The following VWA7 variants were observed in gnomAD, a reference collection of about 807,000 sequenced individuals.
The protein encoded by VWA7 is von Willebrand factor A domain-containing protein 7.
VWA7 carries 66 observed loss-of-function variants against 83.1 expected under a neutral mutation model. The ratio of observed to expected loss-of-function variants is 0.79; its 90% CI spans 0.65 to 0.98. VWA7 has a LOEUF of 0.98. VWA7 is among the 50% of genes least tolerant of loss of function. VWA7 has a pLI of 0.00. For synonymous variants in VWA7, 424 were observed against 488.5 expected, an observed-to-expected ratio of 0.87 and a Z score of 1.74; for missense variants, 1,080 against 1,160.2, an observed-to-expected ratio of 0.93 and a Z score of 1.00.
Position 31,776,851 on chromosome 6 carries a change from C to T in VWA7, c.-15-57G>A, listed in dbSNP as rs968771061. 112 of 1,041,322 alleles carry T rather than the reference C, an allele frequency of 1.1e-4. No homozygotes were observed. Among genetic ancestry groups the T allele is most frequent in the South Asian group, 6.6e-4 (31 of 47,220 alleles). The allele number at this position is 1,041,322 out of a possible 1,614,324, so 64.5% of individuals were successfully genotyped here. A position where few individuals can be genotyped will look rare whatever the true frequency, so the allele number is the denominator to read the frequency against. ...AAGCAGCCGCGATTCCAGGGCAGGC[C>T]GGCTCTGCGGGTCTCCATGGGAACC... On this transcript the variant is annotated intron_variant, in intron 1 of 16. Coordinates refer to ENST00000375688, the MANE Select transcript of VWA7 (RefSeq NM_025258.3). The surrounding 1 kb of genome is among the most constrained non-coding windows in gnomAD (Gnocchi z 6.2).
rs746867880 is a variant in VWA7, at chr6:31,776,443, G to C, written c.234+103C>G. 6.0e-5 allele frequency: 75 copies of C among 1,246,314 alleles called. No homozygotes were observed. The highest frequency in any genetic ancestry group is 8.2e-5 in the Non-Finnish European group (75 of 910,608). 77.2% of individuals were successfully genotyped at this position (1,246,314 alleles called of 1,614,324 possible). The stretch of plus-strand genomic sequence containing the variant: ...TGGGTATTATTGCTGCAGGGGTGGG[G>C]CCATGGGTGTCTCTTCTCTTGGCAA... On this transcript the variant is annotated intron_variant, in intron 2 of 16. Coordinates refer to ENST00000375688, the MANE Select transcript of VWA7 (RefSeq NM_025258.3). The surrounding 1 kb of genome is among the most constrained non-coding windows in gnomAD (Gnocchi z 6.2).
chr6:31,773,211 T>C lies in VWA7; in HGVS notation c.917+31A>G, dbSNP rs745685924. ...CCCTTCCCGCAGGAGCGCCTCCCCA[T>C]GAAGGGGTCCATCCCCAGGAGGCCA... On this transcript the variant is annotated intron_variant, in intron 6 of 16. Transcript: ENST00000375688. This position sits in a 1 kb window ranked among gnomAD's most constrained non-coding sequence, Gnocchi z 5.3. The C allele has an allele frequency of 6.3e-7, 1 of 1,592,758 alleles. No homozygotes were observed. Among genetic ancestry groups the C allele is most frequent in the South Asian group, 1.1e-5 (1 of 88,204 alleles).
intron 7 of VWA7, among the ~76,000 whole-genome samples, chr6:31,771,000 T>A (rs1304163468): frequency 8.3e-6 from 1 of 120,202 alleles, no homozygotes; most frequent in African/African-American, 3.2e-5. Context: ...AGACTCTCCC[T>A]CTCTCTCTCT....
chr6:31,767,251 C>A lies in VWA7; in HGVS notation c.1790-1G>T. The stretch of plus-strand genomic sequence containing the variant: ...AAGAGGAAGTCCAGGGAGGTCTGGG[C>A]TGGGAAAGGGCAAAGGCAGTCAGAG... On this transcript the variant is annotated splice_acceptor_variant, in intron 12 of 16. Coordinates refer to ENST00000375688, the MANE Select transcript of VWA7 (RefSeq NM_025258.3). LOFTEE classifies it high-confidence loss of function. 1 of 1,611,276 alleles carries A rather than the reference C, an allele frequency of 6.2e-7. No individual in the cohort carries two copies. Among genetic ancestry groups the A allele is most frequent in the East Asian group, 2.2e-5 (1 of 44,758 alleles).
At chr6:31,768,004 G>A (rs1207463416) in intron 10 of VWA7, among the ~76,000 whole-genome samples, 2 of 151,302 alleles carry the variant, frequency 1.3e-5, no homozygotes, top group African/African-American at 4.9e-5. Flanking sequence ...GCCAGGTGTG[G>A]TGGTGGGCTC....
Position 31,776,406 on chromosome 6 carries a change from G to T in VWA7, c.234+140C>A. On this transcript the variant is annotated intron_variant, in intron 2 of 16. Coordinates refer to ENST00000375688, the MANE Select transcript of VWA7 (RefSeq NM_025258.3). This position sits in a 1 kb window ranked among gnomAD's most constrained non-coding sequence, Gnocchi z 6.2. ...TAAGGAGGGGGACTCCTAATTTCAGGACCAAGACTACTGGGTATTATTGCT... is the reference window on the plus strand; with the variant it reads ...TAAGGAGGGGGACTCCTAATTTCAGTACCAAGACTACTGGGTATTATTGCT... 1 of 1,245,380 alleles carries T rather than the reference G, an allele frequency of 8.0e-7. No homozygotes were observed. The highest frequency in any genetic ancestry group is 1.1e-6 in the Non-Finnish European group (1 of 914,314). 77.1% of individuals were successfully genotyped at this position (1,245,380 alleles called of 1,614,324 possible). A position where few individuals can be genotyped will look rare whatever the true frequency, so the allele number is the denominator to read the frequency against.
intron 13 of VWA7, 29 bp downstream of exon 13, chr6:31,767,129 G>A: frequency 1.1e-6 from 1 of 879,350 alleles, no homozygotes; most frequent in Non-Finnish European, 1.7e-6. Context: ...TGGGGGTTAG[G>A]TGGGTGGGGG....
chr6:31,770,915 G>A (rs1013136668), intron 7 of VWA7, among the ~76,000 whole-genome samples: 35 of 151,058 alleles, frequency 2.3e-4, no homozygotes, highest in African/African-American at 8.0e-4. Context: ...GGAGGCTGTG[G>A]CAGGAGGATT....
Position 31,775,437 on chromosome 6 carries a change from G to C in VWA7, c.514-8C>G. 6.2e-7 allele frequency: 1 copy of C among 1,609,260 alleles called. No homozygotes were observed. Among genetic ancestry groups the C allele is most frequent in the Non-Finnish European group, 8.5e-7 (1 of 1,177,856 alleles). On this transcript the variant is annotated splice_polypyrimidine_tract_variant and splice_region_variant and intron_variant, in intron 3 of 16. Coordinates refer to ENST00000375688, the MANE Select transcript of VWA7 (RefSeq NM_025258.3). The surrounding 1 kb of genome is among the most constrained non-coding windows in gnomAD (Gnocchi z 5.9). ...GCTATGACTGTAGAAATCCTGGTCC[G>C]GAGGACAGGAGAAGGGGAGTGAGGC... is the stretch of plus-strand genomic sequence containing the variant.
At position 31,774,549 on chromosome 6, in the gene VWA7, C is replaced by T; in HGVS notation, c.688G>A (p.Gly230Ser). The T allele has an allele frequency of 1.9e-6, 3 of 1,612,764 alleles. No individual in the cohort carries two copies. The highest frequency in any genetic ancestry group is 2.5e-6 in the Non-Finnish European group (3 of 1,179,938). Reference sequence around the variant, plus strand: ...TTCGGGGGATGAGTTCCAAAGTAGCCAGAGGTGAGGAGTGTGAAGCCCAGC... The same window carrying T: ...TTCGGGGGATGAGTTCCAAAGTAGCTAGAGGTGAGGAGTGTGAAGCCCAGC... ...NWLGFTLLTS[G>S]YFGTHPPKPP... The change falls in exon 5 of 17, where the codon GGC (glycine) becomes AGC (serine). Residue 230 changes from glycine to serine, a missense_variant. Physicochemically the swap from Gly to Ser is moderately conservative, Grantham distance 56. Transcript: ENST00000375688.
At position 31,769,270 on chromosome 6, in the gene VWA7, C is replaced by G. The variant is rs560667702; in HGVS notation, c.1318-67G>C. On this transcript the variant is annotated intron_variant, in intron 9 of 16. Transcript: ENST00000375688. The surrounding 1 kb of genome is among the most constrained non-coding windows in gnomAD (Gnocchi z 4.5). ...CCATCCACTATTATGAATGAGAATC[C>G]CTGTGCTCAAGCTTTCTCCAGAGCT... is the stretch of plus-strand genomic sequence containing the variant. The G allele has an allele frequency of 7.8e-6, 12 of 1,540,156 alleles. No individual in the cohort carries two copies. Among genetic ancestry groups the G allele is most frequent in the African/African-American group, 5.4e-5 (4 of 73,506 alleles).
chr6:31,773,360 A>G lies in VWA7; in HGVS notation c.799T>C (p.Ser267Pro), dbSNP rs750320211. Residue 267 changes from serine (S) to proline (P), a missense_variant, in exon 6 of 17, where the codon TCC becomes CCC. Transcript: ENST00000375688. The surrounding 1 kb of genome is among the most constrained non-coding windows in gnomAD (Gnocchi z 5.3). ...PRGGINKDST[S>P]PGFSPHHMLH... ...ATGTGGTGAGGGGAGAAGCCTGGGG[A>G]TGTGCTGTCCTTGTTGATGCCTCCC... The G allele has an allele frequency of 1.2e-6, 2 of 1,607,694 alleles. No individual in the cohort carries two copies. Among genetic ancestry groups the G allele is most frequent in the South Asian group, 2.2e-5 (2 of 89,404 alleles).
chr6:31,771,011 C>CAAAAAAAAAAAAAAAAAAA (rs36055758), intron 7 of VWA7, among the ~76,000 whole-genome samples: 1 of 79,050 alleles, frequency 1.3e-5, no homozygotes, highest in Non-Finnish European at 2.3e-5. Context: ...CTCTCTCTCT[C>CAAAAAAAAAAAAAAAAAAA]AAAAAAAAAA....
In VWA7 at chr6:31,775,897, C is replaced by T. The variant is rs1022355860; in HGVS notation, c.513+67G>A. On this transcript the variant is annotated intron_variant, in intron 3 of 16. Transcript: ENST00000375688. This position sits in a 1 kb window ranked among gnomAD's most constrained non-coding sequence, Gnocchi z 5.9. ...ACATGATCAAGAAGGCACCATAGGA[C>T]GCGCTCCATCCCGGACAGGCACGGA... 4.5e-5 allele frequency: 69 copies of T among 1,538,692 alleles called. No homozygotes were observed. The Middle Eastern group carries it at 9.8e-4, about 22-fold the overall frequency.
rs746884655 is a variant in VWA7 at position 31,773,112 on chromosome 6, A to T, written c.929T>A (p.Ile310Asn). ...AAAGCTCAGGCTGGAGGCTGGGGTGATGTCCAGCAGCCTGGGGAGCAAGCC... is the reference window on the plus strand; with the variant it reads ...AAAGCTCAGGCTGGAGGCTGGGGTGTTGTCCAGCAGCCTGGGGAGCAAGCC... The part of the protein sequence containing the change: ...GDRDFSRLLD[I>N]TPASSLSFVL... Residue 310 changes from isoleucine to asparagine, a missense_variant, in exon 7 of 17, where the codon ATC (isoleucine) becomes AAC (asparagine). Ile to Asn is a moderately radical substitution (Grantham distance 149). Transcript: ENST00000375688. The surrounding 1 kb of genome is among the most constrained non-coding windows in gnomAD (Gnocchi z 5.3). 2 of 1,611,294 alleles carry T rather than the reference A, an allele frequency of 1.2e-6. No individual in the cohort carries two copies. Among genetic ancestry groups the T allele is most frequent in the Non-Finnish European group, 1.7e-6 (2 of 1,179,324 alleles).
At chr6:31,771,886 G>A (rs1812207786) in intron 7 of VWA7, 1 of 151,246 alleles carries the variant, frequency 6.6e-6, no homozygotes. Context: ...AGCTACTCAG[G>A]AGGCTGAGAC....
chr6:31,769,711 G>A lies in VWA7; in HGVS notation c.1281C>T (p.Asn427=), dbSNP rs1456578470. 1 of 1,613,052 alleles carries A rather than the reference G, an allele frequency of 6.2e-7. No individual in the cohort carries two copies. Among genetic ancestry groups the A allele is most frequent in the Admixed American group, 1.7e-5 (1 of 60,022 alleles). ...DASPKDAFLT[N]QVESLTQERR... is the part of the protein sequence containing the mutation. ...GCTCCTGAGTCAGGGATTCCACCTG[G>A]TTGGTGAGAAAGGCATCCTTGGGGG... is the stretch of plus-strand genomic sequence containing the variant. The change falls in exon 9 of 17, where the codon AAC becomes AAT. Residue 427 remains asparagine, a synonymous_variant. Transcript: ENST00000375688. The surrounding 1 kb of genome is among the most constrained non-coding windows in gnomAD (Gnocchi z 4.5).
At chr6:31,774,478 T>G in intron 5 of VWA7, 38 bp downstream of exon 5, 1 of 1,586,422 alleles carries the variant, frequency 6.3e-7, no homozygotes, top group East Asian at 2.2e-5. Context: ...GGGAATGACT[T>G]TCTCCCCTTA....
In VWA7 at chr6:31,775,454, G is replaced by C. The variant is rs1428259052; in HGVS notation, c.514-25C>G. The C allele has an allele frequency of 6.2e-7, 1 of 1,601,392 alleles. No homozygotes were observed. ...CCTGGTCCGGAGGACAGGAGAAGGG[G>C]AGTGAGGCACTAGTCTGGCCTTTCT... On this transcript the variant is annotated intron_variant, in intron 3 of 16. Transcript: ENST00000375688. This position sits in a 1 kb window ranked among gnomAD's most constrained non-coding sequence, Gnocchi z 5.9.
Sources: gnomAD v4.1 joint callset for allele counts (sites outside exome capture counted in the v4.1 genomes callset) on GRCh38, gnomAD v4.1.1 for gene constraint, Gnocchi (gnomAD v3.1) non-coding constraint, MANE v1.5 for transcripts, NCBI Gene and HGNC (gene_info 2026-07-23, HGNC 2026-07-21) for gene names.